Variants in CAMKMT observed in about 807,000 individuals in gnomAD.
The protein encoded by CAMKMT is calmodulin-lysine N-methyltransferase, also known as CaM KMT.
CAMKMT carries 53 observed loss-of-function variants against 48.0 expected under a neutral mutation model. That is an observed-to-expected ratio of 1.10 (90% CI 0.89 to 1.39). The LOEUF is 1.39. CAMKMT is among the 40% of genes most tolerant of loss of function. The pLI, the probability that CAMKMT is intolerant of heterozygous loss-of-function variation, is 0.00. For missense variants in CAMKMT, 428 were observed against 402.7 expected (o/e 1.06, Z -0.54); for synonymous variants, 165 against 152.3 (o/e 1.08, Z -0.61).
intron 6 of CAMKMT, among the ~76,000 whole-genome samples, chr2:44,712,296 C>T (rs1223153830): frequency 6.6e-6 from 1 of 152,042 alleles, no homozygotes; most frequent in East Asian, 1.9e-4. Context: ...TTGTGAATCA[C>T]AGTGTTATTA....
chr2:44,647,769 G>A (rs779002118), intron 3 of CAMKMT, among the ~76,000 whole-genome samples: 6 of 151,782 alleles, frequency 4.0e-5, no homozygotes, highest in Non-Finnish European at 8.8e-5. Context: ...TTAGCCAGGC[G>A]TGGTAGTGGG....
At chr2:44,557,507 C>T (rs182983151) in intron 3 of CAMKMT, among the ~76,000 whole-genome samples, 121 of 152,200 alleles carry the variant, frequency 8.0e-4, no homozygotes, top group African/African-American at 2.8e-3. Context: ...TGATGTTGCT[C>T]CTCATCTTGA....
In CAMKMT at chr2:44,435,664, G is replaced by A. The variant is rs528300621; in HGVS notation, c.376+45359G>A. ...CTTCACAACTTGCTTGACTGTCATGGCTATTATTTGGTATGTCTTTAGCTT... is the reference window on the plus strand; with the variant it reads ...CTTCACAACTTGCTTGACTGTCATGACTATTATTTGGTATGTCTTTAGCTT... On this transcript the variant is annotated intron_variant, in intron 3 of 10. Transcript: ENST00000378494. 2.2e-3 allele frequency among the ~76,000 whole-genome samples: 334 copies of A among 152,284 alleles called. 2 individuals carry two copies. The highest frequency in any genetic ancestry group is 7.7e-3 in the African/African-American group (318 of 41,556).
intron 3 of CAMKMT, among the ~76,000 whole-genome samples, chr2:44,485,350 A>G (rs542677582): frequency 6.6e-6 from 1 of 152,352 alleles, no homozygotes; most frequent in South Asian, 2.1e-4. Context: ...ATAATGGAAT[A>G]TTTTTAAAGC....
intron 3 of CAMKMT, among the ~76,000 whole-genome samples, chr2:44,545,678 G>A (rs965412785): frequency 2.6e-5 from 3 of 114,670 alleles, no homozygotes; most frequent in Admixed American, 2.2e-4. Context: ...TTCTAGACTC[G>A]GTCTTTTTTT....
At chr2:44,545,547 G>GTTTTGT (rs1006485471) in intron 3 of CAMKMT, among the ~76,000 whole-genome samples, 1 of 151,788 alleles carries the variant, frequency 6.6e-6, no homozygotes, top group South Asian at 2.1e-4. Context: ...GTTTTGTTTT[G>GTTTTGT]TTTTGTTTTT....
At chr2:44,374,628 C>G (rs1324458824) in intron 2 of CAMKMT, among the ~76,000 whole-genome samples, 1 of 152,196 alleles carries the variant, frequency 6.6e-6, no homozygotes, top group Non-Finnish European at 1.5e-5. Context: ...TGGTTATCCA[C>G]TTGTAGAGAT....
At position 44,475,025 on chromosome 2, in the gene CAMKMT, C is replaced by G. The variant is rs118121772; in HGVS notation, c.376+84720C>G. On this transcript the variant is annotated intron_variant, in intron 3 of 10. Coordinates refer to ENST00000378494, the MANE Select transcript of CAMKMT (RefSeq NM_024766.5). Reference sequence around the variant, plus strand: ...ACTCGAGAATGTATTATTATTTGAACAAACTTGATTCTAATATTTACCAAA... The same window carrying G: ...ACTCGAGAATGTATTATTATTTGAAGAAACTTGATTCTAATATTTACCAAA... 1.1e-4 allele frequency among the ~76,000 whole-genome samples: 16 copies of G among 152,278 alleles called. No individual in the cohort carries two copies. The East Asian group carries it at 2.3e-3, about 22-fold the overall frequency.
chr2:44,395,615 G>A (rs1323262121), intron 3 of CAMKMT, among the ~76,000 whole-genome samples: 3 of 152,080 alleles, frequency 2.0e-5, no homozygotes, highest in Admixed American at 6.6e-5. Context: ...AATTGTAGAC[G>A]AGTCTTTGTA....
At chr2:44,418,353 G>C (rs1683710754) in intron 3 of CAMKMT, among the ~76,000 whole-genome samples, 3 of 151,452 alleles carry the variant, frequency 2.0e-5, no homozygotes, top group Admixed American at 2.0e-4. Flanking sequence ...TATAGTTCTG[G>C]CTTTTATATT....
At chr2:44,620,698 C>T (rs1315854183) in intron 3 of CAMKMT, among the ~76,000 whole-genome samples, 2 of 152,266 alleles carry the variant, frequency 1.3e-5, no homozygotes, top group African/African-American at 4.8e-5. Flanking sequence ...ACACTTCTTC[C>T]TTACTCTATA....
intron 3 of CAMKMT, among the ~76,000 whole-genome samples, chr2:44,501,201 C>A (rs748073420): frequency 4.0e-5 from 6 of 151,430 alleles, no homozygotes; most frequent in Non-Finnish European, 8.8e-5. Context: ...TGGCAGTGTT[C>A]TTTTTCTTTC....
At chr2:44,633,433 C>G (rs1672951446) in intron 3 of CAMKMT, among the ~76,000 whole-genome samples, 1 of 152,156 alleles carries the variant, frequency 6.6e-6, no homozygotes. Flanking sequence ...CAATATGTCA[C>G]TGAGGCTCTG....
chr2:44,767,834 G>A (rs1451389729), intron 10 of CAMKMT, among the ~76,000 whole-genome samples: 1 of 152,204 alleles, frequency 6.6e-6, no homozygotes, highest in Non-Finnish European at 1.5e-5. Flanking sequence ...TTTCTCTCCA[G>A]GGTCGGGCTG....
chr2:44,389,484 A>G (rs1191843654), intron 2 of CAMKMT, among the ~76,000 whole-genome samples: 2 of 152,186 alleles, frequency 1.3e-5, no homozygotes, highest in African/African-American at 4.8e-5. Context: ...ACAAACTTTT[A>G]TAACATTCTA....
chr2:44,433,688 T>C (rs572848221), intron 3 of CAMKMT, among the ~76,000 whole-genome samples: 10 of 152,236 alleles, frequency 6.6e-5, no homozygotes, highest in Non-Finnish European at 1.2e-4. Context: ...AATGACTTGG[T>C]ATAGCATGAA....
intron 3 of CAMKMT, among the ~76,000 whole-genome samples, chr2:44,695,418 T>TA (rs1676884712): frequency 6.6e-6 from 1 of 152,194 alleles, no homozygotes; most frequent in Non-Finnish European, 1.5e-5. Context: ...GAAGTCCCCC[T>TA]ACTCACTATT....
intron 2 of CAMKMT, among the ~76,000 whole-genome samples, chr2:44,379,720 C>CT (rs1015887688): frequency 8.9e-5 from 13 of 146,642 alleles, no homozygotes; most frequent in South Asian, 2.2e-4. Flanking sequence ...TATTTTTTTT[C>CT]TTTTTTTTGA....
chr2:44,393,838 G>C (rs561928258), intron 3 of CAMKMT, among the ~76,000 whole-genome samples: 1 of 152,294 alleles, frequency 6.6e-6, no homozygotes, highest in East Asian at 1.9e-4. Context: ...CTTGTCCTCT[G>C]ACCTCTGGTC....
Sources: gnomAD v4.1 joint callset for allele counts (sites outside exome capture counted in the v4.1 genomes callset) on GRCh38, gnomAD v4.1.1 for gene constraint, MANE v1.5 for transcripts, NCBI Gene and HGNC (gene_info 2026-07-23, HGNC 2026-07-21) for gene names.